Variants in VPS4A observed in about 807,000 individuals in gnomAD.
VPS4A encodes vacuolar protein sorting 4 homolog A.
In VPS4A, 20 loss-of-function variants were observed where a neutral mutation model predicts 52.3. The ratio of observed to expected loss-of-function variants is 0.38; its 90% CI spans 0.27 to 0.56. The LOEUF (loss-of-function observed/expected upper bound fraction) is 0.56. VPS4A is among the 20% of genes least tolerant of loss of function. The probability of loss-of-function intolerance (pLI) is 0.72; values close to 1 mark genes in which losing one functional copy is unlikely to be tolerated. For missense variants in VPS4A, 419 were observed against 575.9 expected (o/e 0.73, Z 2.79); for synonymous variants, 293 against 227.7 (o/e 1.29, Z -2.58).
intron 5 of VPS4A, 127 bp from the exon 6 acceptor site, chr16:69,319,260 T>C (rs1965479687): frequency 6.6e-6 from 9 of 1,369,816 alleles, no homozygotes; most frequent in Non-Finnish European, 7.9e-6. Flanking sequence ...CCATCACTTG[T>C]TTGCCAGTAG....
chr16:69,320,615 G>A lies in VPS4A; in HGVS notation c.770-73G>A, dbSNP rs1965498209. On this transcript the variant is annotated intron_variant, in intron 7 of 10. Transcript: ENST00000254950. The surrounding 1 kb of genome is among the most constrained non-coding windows in gnomAD (Gnocchi z 4.2). ...CAATTGCTGACACACAAAGCCCCCG[G>A]GGTCTGTCCCCAGGTTTCAACTGAC... 4 of 1,336,936 alleles carry A rather than the reference G, an allele frequency of 3.0e-6. No homozygotes were observed. The highest frequency in any genetic ancestry group is 4.2e-6 in the Non-Finnish European group (4 of 961,762). The allele number at this position is 1,336,936 out of a possible 1,614,324, so 82.8% of individuals were successfully genotyped here.
chr16:69,320,362 C>A lies in VPS4A; in HGVS notation c.769+73C>A. 5.7e-6 allele frequency: 9 copies of A among 1,568,814 alleles called. No individual in the cohort carries two copies. Among genetic ancestry groups the A allele is most frequent in the East Asian group, 2.3e-5 (1 of 44,144 alleles). The stretch of plus-strand genomic sequence containing the variant: ...CAACCCTGGGCTTTATTCTGAGCTG[C>A]GGCTGGATTTGGTTGTTCTCAGCCT... On this transcript the variant is annotated intron_variant, in intron 7 of 10. Coordinates refer to ENST00000254950, the MANE Select transcript of VPS4A (RefSeq NM_013245.3). The surrounding 1 kb of genome is among the most constrained non-coding windows in gnomAD (Gnocchi z 4.2).
In VPS4A at chr16:69,320,120, C is replaced by T; in HGVS notation, c.621-21C>T. Reference sequence around the variant, plus strand: ...CACGGACGTGAACGTCTTGTCCTCACCCCCTTTCTCACCTTCACAGGCTGG... The same window carrying T: ...CACGGACGTGAACGTCTTGTCCTCATCCCCTTTCTCACCTTCACAGGCTGG... On this transcript the variant is annotated intron_variant, in intron 6 of 10. Transcript: ENST00000254950. The surrounding 1 kb of genome is among the most constrained non-coding windows in gnomAD (Gnocchi z 4.2). 1 of 1,608,982 alleles carries T rather than the reference C, an allele frequency of 6.2e-7. No homozygotes were observed. Among genetic ancestry groups the T allele is most frequent in the Non-Finnish European group, 8.5e-7 (1 of 1,176,072 alleles).
At chr16:69,323,943 C>CA (rs143292768) in intron 10 of VPS4A, among the ~76,000 whole-genome samples, 5,637 of 108,458 alleles carry the variant, frequency 0.052, 260 homozygotes, top group Non-Finnish European at 0.073. Context: ...GACTCCGTCT[C>CA]CAAAAAAAAA....
At chr16:69,319,641 G>T in intron 6 of VPS4A, 98 bp downstream of exon 6, 1 of 1,466,684 alleles carries the variant, frequency 6.8e-7, no homozygotes, top group South Asian at 1.3e-5. Flanking sequence ...GAGTGGTTTG[G>T]TTTTCAGGGA....
chr16:69,324,572 C>A lies in VPS4A; in HGVS notation c.*263C>A, dbSNP rs11548445. On this transcript the variant is annotated 3_prime_UTR_variant, in exon 11 of 11. Coordinates refer to ENST00000254950, the MANE Select transcript of VPS4A (RefSeq NM_013245.3). ...CTCATCAGCTCCTTCTGCCTCCCCC[C>A]CTTTTTTTTCCATCTTTTGTTCCCC... The A allele has an allele frequency of 4.9e-4, 212 of 434,588 alleles. 1 individual carries two copies. Among genetic ancestry groups the A allele is most frequent in the South Asian group, 4.3e-3 (132 of 30,760 alleles). The allele number at this position is 434,588 out of a possible 1,614,324, so 26.9% of individuals were successfully genotyped here.
Position 69,325,268 on chromosome 16 carries a change from C to A in VPS4A, c.*959C>A, listed in dbSNP as rs1965574016. On this transcript the variant is annotated 3_prime_UTR_variant, in exon 11 of 11. Coordinates refer to ENST00000254950, the MANE Select transcript of VPS4A (RefSeq NM_013245.3). ...GGATGTTTGTGGGATCCAGACAGTT[C>A]TTGCCGTTGTTCGGCCTACAGATCA... The A allele has an allele frequency of 6.6e-6, 1 of 152,290 alleles. No individual in the cohort carries two copies. Among genetic ancestry groups the A allele is most frequent in the African/African-American group, 2.4e-5 (1 of 41,462 alleles). The allele number at this position is 152,290 out of a possible 1,614,324, so 9.4% of individuals were successfully genotyped here. A position where few individuals can be genotyped will look rare whatever the true frequency, so the allele number is the denominator to read the frequency against.
At chr16:69,316,530 A>G (rs1236797842) in intron 3 of VPS4A, among the ~76,000 whole-genome samples, 158 bp downstream of exon 3, 4 of 152,110 alleles carry the variant, frequency 2.6e-5, no homozygotes, top group Non-Finnish European at 4.4e-5. Flanking sequence ...GGCCTGGAGC[A>G]CTTCCATGTT....
rs776846579 is a variant in VPS4A, at chr16:69,316,015, T to G, written c.29T>G (p.Ile10Ser). ...TTTGCTTTGCCTTTCCAGAAAGCCA[T>G]TGATCTGGTGACGAAAGCCACAGAG... MTTSTLQKAIDLVTKATEED... is the reference protein window; with the variant it reads MTTSTLQKASDLVTKATEED... The change falls in exon 2 of 11, where the codon ATT (isoleucine) becomes AGT (serine). Residue 10 changes from isoleucine to serine, a missense_variant. Physicochemically the swap from Ile to Ser is moderately radical, Grantham distance 142. Transcript: ENST00000254950. 1 of 1,613,486 alleles carries G rather than the reference T, an allele frequency of 6.2e-7. No individual in the cohort carries two copies. The highest frequency in any genetic ancestry group is 8.5e-7 in the Non-Finnish European group (1 of 1,179,866).
intron 1 of VPS4A, among the ~76,000 whole-genome samples, chr16:69,315,379 G>A (rs866740625): frequency 2.0e-5 from 3 of 152,186 alleles, no homozygotes; most frequent in African/African-American, 2.4e-5. Flanking sequence ...TCTTACTGGA[G>A]CTACTGGTAT....
At chr16:69,317,164 G>A (rs897870245) in intron 3 of VPS4A, among the ~76,000 whole-genome samples, 1 of 152,210 alleles carries the variant, frequency 6.6e-6, no homozygotes, top group African/African-American at 2.4e-5. Context: ...CGAGGCAGGG[G>A]TGGAGGCCAG....
At chr16:69,322,368 C>T in intron 9 of VPS4A, 192 bp from the exon 10 acceptor site, 1 of 521,024 alleles carries the variant, frequency 1.9e-6, no homozygotes, top group Non-Finnish European at 3.4e-6. Context: ...GGCATTGGGG[C>T]TACAGATTGC....
chr16:69,323,996 T>G (rs1178949339), intron 10 of VPS4A, among the ~76,000 whole-genome samples: 1 of 146,582 alleles, frequency 6.8e-6, no homozygotes, highest in Non-Finnish European at 1.5e-5. Context: ...AGTTATGAGA[T>G]GATGGAGCTT....
chr16:69,312,544 T>G (rs1965389428), intron 1 of VPS4A, among the ~76,000 whole-genome samples: 1 of 152,196 alleles, frequency 6.6e-6, no homozygotes, highest in Non-Finnish European at 1.5e-5. Flanking sequence ...CCAGGCAGGT[T>G]TTTTATGGCC....
intron 1 of VPS4A, among the ~76,000 whole-genome samples, chr16:69,314,119 C>A (rs1272552352): frequency 6.6e-6 from 1 of 151,668 alleles, no homozygotes. Context: ...GCACGCGTCA[C>A]CACACCCGGC....
chr16:69,311,476 A>T lies in VPS4A; in HGVS notation c.-36A>T. 1 of 1,302,394 alleles carries T rather than the reference A, an allele frequency of 7.7e-7. No homozygotes were observed. The highest frequency in any genetic ancestry group is 2.6e-5 in the South Asian group (1 of 38,932). 80.7% of individuals were successfully genotyped at this position (1,302,394 alleles called of 1,614,324 possible). On this transcript the variant is annotated 5_prime_UTR_variant, in exon 1 of 11. Coordinates refer to ENST00000254950, the MANE Select transcript of VPS4A (RefSeq NM_013245.3). ...CCGGGGCCGGACCGAGGCCGCAAGC[A>T]GCGCCGCGGGGTGTGGGGCGGACCC... is the stretch of plus-strand genomic sequence containing the variant.
chr16:69,320,134 T>G lies in VPS4A; in HGVS notation c.621-7T>G. ...TCTTGTCCTCACCCCCTTTCTCACC[T>G]TCACAGGCTGGTCAAGAACCTGTTT... On this transcript the variant is annotated splice_region_variant and splice_polypyrimidine_tract_variant and intron_variant, in intron 6 of 10. Coordinates refer to ENST00000254950, the MANE Select transcript of VPS4A (RefSeq NM_013245.3). The surrounding 1 kb of genome is among the most constrained non-coding windows in gnomAD (Gnocchi z 4.2). The G allele has an allele frequency of 6.2e-7, 1 of 1,611,786 alleles. No homozygotes were observed. Among genetic ancestry groups the G allele is most frequent in the East Asian group, 2.2e-5 (1 of 44,750 alleles).
rs1010214453 is a variant in VPS4A at position 69,320,532 on chromosome 16, A to G, written c.770-156A>G. 4 of 815,138 alleles carry G rather than the reference A, an allele frequency of 4.9e-6. No homozygotes were observed. Among genetic ancestry groups the G allele is most frequent in the Non-Finnish European group, 7.7e-6 (4 of 519,000 alleles). 50.5% of individuals were successfully genotyped at this position (815,138 alleles called of 1,614,324 possible). A position where few individuals can be genotyped will look rare whatever the true frequency, so the allele number is the denominator to read the frequency against. On this transcript the variant is annotated intron_variant, in intron 7 of 10. Transcript: ENST00000254950. The surrounding 1 kb of genome is among the most constrained non-coding windows in gnomAD (Gnocchi z 4.2). The stretch of plus-strand genomic sequence containing the variant: ...GGTCTCACCTGGCACAGCCAGACCA[A>G]GATGTGGTTTAATCTCACTTGGGAC...
chr16:69,312,986 A>G (rs1472735819), intron 1 of VPS4A, among the ~76,000 whole-genome samples: 2 of 143,458 alleles, frequency 1.4e-5, no homozygotes, highest in African/African-American at 5.3e-5. Flanking sequence ...TGTTTTTATT[A>G]ATTTTTTTTT....
Sources: gnomAD v4.1 joint callset for allele counts (sites outside exome capture counted in the v4.1 genomes callset) on GRCh38, gnomAD v4.1.1 for gene constraint, Gnocchi (gnomAD v3.1) non-coding constraint, MANE v1.5 for transcripts, NCBI Gene and HGNC (gene_info 2026-07-23, HGNC 2026-07-21) for gene names.